The following TLR4 variants were observed in gnomAD, a reference collection of about 807,000 sequenced individuals.
The protein encoded by TLR4 is toll-like receptor 4.
Under a neutral mutation model 27.4 loss-of-function variants are expected in TLR4, and 17 were observed. The ratio of observed to expected loss-of-function variants is 0.62; its 90% CI spans 0.42 to 0.93. TLR4 has a LOEUF of 0.93. TLR4 is among the 40% of genes least tolerant of loss of function. The probability of loss-of-function intolerance (pLI) is 0.00; values close to 1 mark genes in which losing one functional copy is unlikely to be tolerated. For synonymous variants in TLR4, 363 were observed against 365.7 expected (o/e 0.99, Z 0.08); for missense variants, 926 against 962.3 (o/e 0.96, Z 0.50).
At position 117,719,132 on chromosome 9, in the gene TLR4, G is replaced by A. The variant is rs1030996760; in HGVS notation, c.*4484G>A. The stretch of plus-strand genomic sequence containing the variant: ...TCAGGTCTTAATTCATGAAATGGAG[G>A]TAATAATACCTTGTTGGCAGACCTC... On this transcript the variant is annotated 3_prime_UTR_variant, in exon 3 of 3. Coordinates refer to ENST00000355622, the MANE Select transcript of TLR4 (RefSeq NM_138554.5). The A allele has an allele frequency of 1.3e-5, 2 of 151,986 alleles. No individual in the cohort carries two copies. The highest frequency in any genetic ancestry group is 4.8e-5 in the African/African-American group (2 of 41,264). The allele number at this position is 151,986 out of a possible 1,614,324, so 9.4% of individuals were successfully genotyped here.
Position 117,722,443 on chromosome 9 carries a change from T to C in TLR4, c.*7795T>C, listed in dbSNP as rs1829433566. 1 of 152,152 alleles carries C rather than the reference T, an allele frequency of 6.6e-6. No individual in the cohort carries two copies. Among genetic ancestry groups the C allele is most frequent in the African/African-American group, 2.4e-5 (1 of 41,444 alleles). The allele number at this position is 152,152 out of a possible 1,614,324, so 9.4% of individuals were successfully genotyped here. On this transcript the variant is annotated 3_prime_UTR_variant, in exon 3 of 3. Coordinates refer to ENST00000355622, the MANE Select transcript of TLR4 (RefSeq NM_138554.5). ...CAGTGGGAAACACCTGCTGTCAAAA[T>C]TTTCCTGCTTGCAAAGAGCACTTTT...
rs754121123 is a variant in TLR4 at position 117,722,411 on chromosome 9, T to G, written c.*7763T>G. ...ACCCTGAGTCTTCTGAGGAGTCTAC[T>G]GCTCCCCAGTGGGAAACACCTGCTG... is the stretch of plus-strand genomic sequence containing the variant. On this transcript the variant is annotated 3_prime_UTR_variant, in exon 3 of 3. Coordinates refer to ENST00000355622, the MANE Select transcript of TLR4 (RefSeq NM_138554.5). The G allele has an allele frequency of 6.6e-6, 1 of 152,220 alleles. No individual in the cohort carries two copies. The highest frequency in any genetic ancestry group is 2.1e-4 in the South Asian group (1 of 4,832). The allele number at this position is 152,220 out of a possible 1,614,324, so 9.4% of individuals were successfully genotyped here.
In TLR4 at chr9:117,719,761, T is replaced by C. The variant is rs1447192011; in HGVS notation, c.*5113T>C. 1 of 152,120 alleles carries C rather than the reference T, an allele frequency of 6.6e-6. No homozygotes were observed. 9.4% of individuals were successfully genotyped at this position (152,120 alleles called of 1,614,324 possible). ...TTCCAAAAGCTTAGGACTTTCCAGA[T>C]GGTTGGAATAAGATCACACACTCTG... is the stretch of plus-strand genomic sequence containing the variant. On this transcript the variant is annotated 3_prime_UTR_variant, in exon 3 of 3. Coordinates refer to ENST00000355622, the MANE Select transcript of TLR4 (RefSeq NM_138554.5).
chr9:117,716,149 A>G lies in TLR4; in HGVS notation c.*1501A>G, dbSNP rs1208334359. On this transcript the variant is annotated 3_prime_UTR_variant, in exon 3 of 3. Coordinates refer to ENST00000355622, the MANE Select transcript of TLR4 (RefSeq NM_138554.5). ...GTAGCCGTTATGAAAAACAGTACGG[A>G]GGTTTCTCAAAAATTAAAAATAGAA... 1 of 152,164 alleles carries G rather than the reference A, an allele frequency of 6.6e-6. No homozygotes were observed. The highest frequency in any genetic ancestry group is 2.4e-5 in the African/African-American group (1 of 41,442). 9.4% of individuals were successfully genotyped at this position (152,164 alleles called of 1,614,324 possible).
chr9:117,704,532 C>T lies in TLR4; in HGVS notation c.60C>T (p.Cys20=), dbSNP rs374086120. ...TCCCAGCCATGGCCTTCCTCTCCTG[C>T]GTGAGACCAGAAAGCTGGGAGCCCT... ...TLIPAMAFLS[C]VRPESWEPCV... Residue 20 remains cysteine (C), a synonymous_variant, in exon 1 of 3, where the codon TGC becomes TGT. Coordinates refer to ENST00000355622, the MANE Select transcript of TLR4 (RefSeq NM_138554.5). 5.6e-6 allele frequency: 9 copies of T among 1,613,754 alleles called. No individual in the cohort carries two copies. The highest frequency in any genetic ancestry group is 1.1e-5 in the South Asian group (1 of 91,084).
chr9:117,714,903 C>G lies in TLR4; in HGVS notation c.*255C>G. 1 of 534,706 alleles carries G rather than the reference C, an allele frequency of 1.9e-6. No individual in the cohort carries two copies. The highest frequency in any genetic ancestry group is 3.4e-6 in the Non-Finnish European group (1 of 296,438). 33.1% of individuals were successfully genotyped at this position (534,706 alleles called of 1,614,324 possible). A position where few individuals can be genotyped will look rare whatever the true frequency, so the allele number is the denominator to read the frequency against. On this transcript the variant is annotated 3_prime_UTR_variant, in exon 3 of 3. Coordinates refer to ENST00000355622, the MANE Select transcript of TLR4 (RefSeq NM_138554.5). Reference sequence around the variant, plus strand: ...TCAAGGAACCCATGACAAAGAAAGTCATTTCAACTCTTACCTCATCAAGTT... The same window carrying G: ...TCAAGGAACCCATGACAAAGAAAGTGATTTCAACTCTTACCTCATCAAGTT...
chr9:117,715,708 A>C lies in TLR4; in HGVS notation c.*1060A>C, dbSNP rs1829334256. On this transcript the variant is annotated 3_prime_UTR_variant, in exon 3 of 3. Transcript: ENST00000355622. ...ACAAGTGATGTTTGATGGACCTCTG[A>C]ATCTCTTTAGGGAGACACAGATGGC... is the stretch of plus-strand genomic sequence containing the variant. The C allele has an allele frequency of 6.6e-6, 1 of 152,182 alleles. No homozygotes were observed. The highest frequency in any genetic ancestry group is 2.4e-5 in the African/African-American group (1 of 41,442). The allele number at this position is 152,182 out of a possible 1,614,324, so 9.4% of individuals were successfully genotyped here.
chr9:117,704,696 C>T, intron 1 of TLR4, 131 bp downstream of exon 1: 1 of 822,062 alleles, frequency 1.2e-6, no homozygotes, highest in African/African-American at 1.7e-5. Flanking sequence ...CAAGAAGCCA[C>T]AGAGATCAAA....
rs201258398 is a variant in TLR4 at position 117,714,100 on chromosome 9, C to T, written c.1972C>T (p.Leu658=). 9.3e-6 allele frequency: 15 copies of T among 1,614,030 alleles called. No homozygotes were observed. The highest frequency in any genetic ancestry group is 1.3e-5 in the Non-Finnish European group (15 of 1,179,996). Residue 658 remains leucine (L), a synonymous_variant, in exon 3 of 3, where the codon CTG becomes TTG. Coordinates refer to ENST00000355622, the MANE Select transcript of TLR4 (RefSeq NM_138554.5). The part of the protein sequence containing the change: ...AVLVYKFYFH[L]MLLAGCIKYG... ...TCTGGTCTATAAGTTCTATTTTCAC[C>T]TGATGCTTCTTGCTGGCTGCATAAA...
chr9:117,711,526 T>C (rs1340528916), intron 2 of TLR4, among the ~76,000 whole-genome samples: 2 of 152,200 alleles, frequency 1.3e-5, no homozygotes, highest in Non-Finnish European at 2.9e-5. Context: ...GGGAACCTTC[T>C]TTCTCCACAA....
rs1421030523 is a variant in TLR4 at position 117,713,069 on chromosome 9, C to T, written c.941C>T (p.Ser314Phe). ...TGTTTGACAAATGTTTCTTCATTTT[C>T]CCTGGTGAGTGTGACTATTGAAAGG... ...FNCLTNVSSFSLVSVTIERVK... is the reference protein window; with the variant it reads ...FNCLTNVSSFFLVSVTIERVK... The change falls in exon 3 of 3, where the codon TCC (serine) becomes TTC (phenylalanine). Residue 314 changes from serine to phenylalanine, a missense_variant. Coordinates refer to ENST00000355622, the MANE Select transcript of TLR4 (RefSeq NM_138554.5). 1.9e-6 allele frequency: 3 copies of T among 1,613,782 alleles called. No individual in the cohort carries two copies. In the African/African-American group the frequency reaches 4.0e-5, roughly 22 times the overall value.
In TLR4 at chr9:117,714,585, A is replaced by C. The variant is rs201274947; in HGVS notation, c.2457A>C (p.Lys819Asn). The C allele has an allele frequency of 1.9e-6, 3 of 1,613,788 alleles. No homozygotes were observed. Among genetic ancestry groups the C allele is most frequent in the Non-Finnish European group, 2.5e-6 (3 of 1,179,984 alleles). ...TCAGAAAAGCCCTGCTGGATGGTAAATCATGGAATCCAGAAGGAACAGTGG... is the reference window on the plus strand; with the variant it reads ...TCAGAAAAGCCCTGCTGGATGGTAACTCATGGAATCCAGAAGGAACAGTGG... ...RRLRKALLDGKSWNPEGTVGT... is the reference protein window; with the variant it reads ...RRLRKALLDGNSWNPEGTVGT... Residue 819 changes from lysine to asparagine, a missense_variant, in exon 3 of 3, where the codon AAA (lysine) becomes AAC (asparagine). Transcript: ENST00000355622.
chr9:117,712,605 C>T lies in TLR4; in HGVS notation c.477C>T (p.His159=). The T allele has an allele frequency of 6.2e-7, 1 of 1,614,028 alleles. No homozygotes were observed. Among genetic ancestry groups the T allele is most frequent in the Non-Finnish European group, 8.5e-7 (1 of 1,179,960 alleles). ...CTTTGAAAGAACTTAATGTGGCTCA[C>T]AATCTTATCCAATCTTTCAAATTAC... ...LKTLKELNVA[H]NLIQSFKLPE... is the part of the protein sequence containing the mutation. The change falls in exon 3 of 3, where the codon CAC becomes CAT. Residue 159 remains histidine, a synonymous_variant. Coordinates refer to ENST00000355622, the MANE Select transcript of TLR4 (RefSeq NM_138554.5).
In TLR4 at chr9:117,712,404, A is replaced by T; in HGVS notation, c.276A>T (p.Thr92=). The change falls in exon 3 of 3, where the codon ACA becomes ACT. Residue 92 remains threonine (T), a synonymous_variant. Coordinates refer to ENST00000355622, the MANE Select transcript of TLR4 (RefSeq NM_138554.5). The part of the protein sequence containing the change: ...VLDLSRCEIQ[T]IEDGAYQSLS... Reference sequence around the variant, plus strand: ...ATTCCTGTAGGTGTGAAATCCAGACAATTGAAGATGGGGCATATCAGAGCC... The same window carrying T: ...ATTCCTGTAGGTGTGAAATCCAGACTATTGAAGATGGGGCATATCAGAGCC... The T allele has an allele frequency of 6.2e-7, 1 of 1,613,842 alleles. No individual in the cohort carries two copies. The highest frequency in any genetic ancestry group is 8.5e-7 in the Non-Finnish European group (1 of 1,179,858).
rs1409560377 is a variant in TLR4 at position 117,715,066 on chromosome 9, T to C, written c.*418T>C. On this transcript the variant is annotated 3_prime_UTR_variant, in exon 3 of 3. Coordinates refer to ENST00000355622, the MANE Select transcript of TLR4 (RefSeq NM_138554.5). ...TGGGTGTTCACTTTTTCCTTTTTGA[T>C]TGAATACAATTTAAATTCTACTTGA... The C allele has an allele frequency of 3.8e-5, 8 of 209,148 alleles. No homozygotes were observed. Among genetic ancestry groups the C allele is most frequent in the African/African-American group, 1.4e-4 (6 of 43,052 alleles). The allele number at this position is 209,148 out of a possible 1,614,324, so 13.0% of individuals were successfully genotyped here.
In TLR4 at chr9:117,713,519, A is replaced by G. The variant is rs1452442766; in HGVS notation, c.1391A>G (p.Asn464Ser). 6.2e-7 allele frequency: 1 copy of G among 1,614,130 alleles called. No homozygotes were observed. Among genetic ancestry groups the G allele is most frequent in the Non-Finnish European group, 8.5e-7 (1 of 1,180,016 alleles). Residue 464 changes from asparagine to serine, a missense_variant, in exon 3 of 3, where the codon AAT (asparagine) becomes AGT (serine). Coordinates refer to ENST00000355622, the MANE Select transcript of TLR4 (RefSeq NM_138554.5). ...CATACTCACACCAGAGTTGCTTTCA[A>G]TGGCATCTTCAATGGCTTGTCCAGT... ...ISHTHTRVAF[N>S]GIFNGLSSLE... is the part of the protein sequence containing the mutation.
Position 117,712,527 on chromosome 9 carries a change from T to G in TLR4, c.399T>G (p.Ala133=). Residue 133 remains alanine (A), a synonymous_variant, in exon 3 of 3, where the codon GCT becomes GCG. Transcript: ENST00000355622. ...SGLSSLQKLV[A]VETNLASLEN... ...TATCAAGTTTACAGAAGCTGGTGGCTGTGGAGACAAATCTAGCATCTCTAG... is the reference window on the plus strand; with the variant it reads ...TATCAAGTTTACAGAAGCTGGTGGCGGTGGAGACAAATCTAGCATCTCTAG... 6.2e-7 allele frequency: 1 copy of G among 1,614,022 alleles called. No homozygotes were observed. Among genetic ancestry groups the G allele is most frequent in the Non-Finnish European group, 8.5e-7 (1 of 1,179,960 alleles).
At position 117,708,756 on chromosome 9, in the gene TLR4, A is replaced by G. The variant is rs202040945; in HGVS notation, c.260+27A>G. 1.7e-5 allele frequency: 27 copies of G among 1,613,224 alleles called. No individual in the cohort carries two copies. The African/African-American group carries it at 2.7e-4, about 16-fold the overall frequency. Reference sequence around the variant, plus strand: ...TAATGAATCCACTTTTACATACTGCACAAGGTGAGGTGTTCATTGTCCTGT... The same window carrying G: ...TAATGAATCCACTTTTACATACTGCGCAAGGTGAGGTGTTCATTGTCCTGT... On this transcript the variant is annotated intron_variant, in intron 2 of 2. Coordinates refer to ENST00000355622, the MANE Select transcript of TLR4 (RefSeq NM_138554.5).
Position 117,719,686 on chromosome 9 carries a change from C to G in TLR4, c.*5038C>G, listed in dbSNP as rs957305355. On this transcript the variant is annotated 3_prime_UTR_variant, in exon 3 of 3. Coordinates refer to ENST00000355622, the MANE Select transcript of TLR4 (RefSeq NM_138554.5). ...ATCATGTCTACAGTTGGTCTGACTT[C>G]CTGACGGGCATCACAGACTTGTGAT... The G allele has an allele frequency of 6.6e-6, 1 of 151,876 alleles. No homozygotes were observed. The highest frequency in any genetic ancestry group is 2.4e-5 in the African/African-American group (1 of 41,362). The allele number at this position is 151,876 out of a possible 1,614,324, so 9.4% of individuals were successfully genotyped here.
Sources: allele counts gnomAD v4.1 joint callset (sites outside exome capture counted in the v4.1 genomes callset), GRCh38; gene constraint gnomAD v4.1.1; transcripts MANE v1.5; gene names NCBI Gene and HGNC (gene_info 2026-07-23, HGNC 2026-07-21).